The following MXD3 variants were observed in gnomAD, a reference collection of about 807,000 sequenced individuals.
The protein encoded by MXD3 is Max-associated protein 3.
MXD3 carries 20 observed loss-of-function variants against 27.5 expected under a neutral mutation model. That is an observed-to-expected ratio of 0.73 (90% confidence interval 0.51 to 1.06). MXD3 has a LOEUF of 1.06. Ranked by LOEUF, MXD3 falls within the 50% of genes least tolerant of loss-of-function variation. The pLI is 0.00. For missense variants in MXD3, 298 were observed against 291.3 expected, an observed-to-expected ratio of 1.02 and a Z score of -0.17; for synonymous variants, 150 against 130.7, an observed-to-expected ratio of 1.15 and a Z score of -1.01.
chr5:177,311,078 G>A (rs951049056), intron 2 of MXD3: 3 of 535,718 alleles, frequency 5.6e-6, no homozygotes, highest in African/African-American at 3.8e-5. Context: ...GAGAGAAGAG[G>A]AGGAAGCCAG....
chr5:177,306,283 T>A, downstream of MXD3: 5 of 1,562,104 alleles, frequency 3.2e-6, no homozygotes, highest in Non-Finnish European at 4.4e-6. Context: ...GGACTCCTTG[T>A]CTGTACTGGG....
intron 5 of MXD3, 27 bp from the exon 6 acceptor site, chr5:177,307,730 G>A (rs1464647099): frequency 1.2e-6 from 2 of 1,613,448 alleles, no homozygotes; most frequent in African/African-American, 2.7e-5. Context: ...CCGGTCAGAA[G>A]ACCTGGCTCG....
rs2127304124 is a variant in MXD3, at chr5:177,311,844, G to A, written c.-14C>T. On this transcript the variant is annotated 5_prime_UTR_variant, in exon 1 of 6. Transcript: ENST00000439742. ...CAAGGGTTCCATGTCGGCGACAGCT[G>A]GCGGCGGGCCGGCCTAGGGTGCCGG... 6.2e-7 allele frequency: 1 copy of A among 1,609,876 alleles called. No homozygotes were observed. The highest frequency in any genetic ancestry group is 1.3e-5 in the African/African-American group (1 of 74,922).
chr5:177,307,821 G>C lies in MXD3; in HGVS notation c.465C>G (p.Asp155Glu). Residue 155 changes from aspartate (D) to glutamate (E), a missense_variant, in exon 5 of 6, where the codon GAC (aspartate) becomes GAG (glutamate). Physicochemically the swap from Asp to Glu is conservative, Grantham distance 45. Transcript: ENST00000439742. The part of the protein sequence containing the change: ...ERERLRADSL[D>E]SSGLSSERSD... Reference sequence around the variant, plus strand: ...AGCGCTCAGAGGAGAGGCCTGAGGAGTCCAGACTGTCCGCCCGCAGCCGCT... The same window carrying C: ...AGCGCTCAGAGGAGAGGCCTGAGGACTCCAGACTGTCCGCCCGCAGCCGCT... 6.2e-7 allele frequency: 1 copy of C among 1,612,546 alleles called. No homozygotes were observed. Among genetic ancestry groups the C allele is most frequent in the Non-Finnish European group, 8.5e-7 (1 of 1,179,668 alleles).
At chr5:177,312,546 C>T, upstream of MXD3, 2 of 985,438 alleles carry the variant, frequency 2.0e-6, no homozygotes, top group Non-Finnish European at 2.4e-6. Context: ...GCGGCGGACC[C>T]GGCTCCTGCC....
At chr5:177,310,590 C>T (rs781678046) in intron 3 of MXD3, 50 bp from the exon 4 acceptor site, 2 of 1,612,634 alleles carry the variant, frequency 1.2e-6, no homozygotes, top group Non-Finnish European at 1.7e-6. Flanking sequence ...TTGCCGGCCA[C>T]AGGAATGGCA....
chr5:177,308,033 C>T, intron 4 of MXD3, 69 bp from the exon 5 acceptor site: 1 of 1,394,402 alleles, frequency 7.2e-7, no homozygotes, highest in Non-Finnish European at 9.5e-7. Flanking sequence ...CCCAGCACCA[C>T]TCAGTACCGG....
upstream of MXD3, chr5:177,312,480 G>C (rs1269662469): frequency 1.0e-6 from 1 of 985,332 alleles, no homozygotes; most frequent in East Asian, 1.1e-4. Flanking sequence ...AAACCCAAGC[G>C]ATGGGGCGGG....
chr5:177,311,418 T>C lies in MXD3; in HGVS notation c.137A>G (p.Lys46Arg). ...CGCGCCAGGAGCCTGGGGGGGTCGC[T>C]TCTTCCTCCTGTGGATGGGGCCTGG... ...RSPGPIHRRK[K>R]RPPQAPGAQD... is the part of the protein sequence containing the mutation. The change falls in exon 2 of 6, where the codon AAG (lysine) becomes AGG (arginine). Residue 46 changes from lysine to arginine, a missense_variant. By Grantham distance (26) the Lys-to-Arg change is conservative. Transcript: ENST00000439742. 7.1e-7 allele frequency: 1 copy of C among 1,413,180 alleles called. No homozygotes were observed. The highest frequency in any genetic ancestry group is 9.2e-7 in the Non-Finnish European group (1 of 1,087,928). 87.5% of individuals were successfully genotyped at this position (1,413,180 alleles called of 1,614,324 possible). A position where few individuals can be genotyped will look rare whatever the true frequency, so the allele number is the denominator to read the frequency against.
At position 177,307,599 on chromosome 5, in the gene MXD3, C is replaced by T. The variant is rs575950927; in HGVS notation, c.610G>A (p.Ala204Thr). 22 of 1,612,570 alleles carry T rather than the reference C, an allele frequency of 1.4e-5. No homozygotes were observed. Among genetic ancestry groups the T allele is most frequent in the Middle Eastern group, 1.7e-4 (1 of 6,058 alleles). Residue 204 changes from alanine to threonine, a missense_variant, in exon 6 of 6, where the codon GCC becomes ACC. Transcript: ENST00000439742. ...QEHSYSHGGG[A>T]WL ...CTGGGTGAGGAACATCATAGCCAGG[C>T]GCCGCCGCCGTGCGAGTAGCTGTGC...
At position 177,311,481 on chromosome 5, in the gene MXD3, G is replaced by A; in HGVS notation, c.74C>T (p.Ala25Val). Residue 25 changes from alanine to valine, a missense_variant, in exon 2 of 6, where the codon GCC (alanine) becomes GTC (valine). By Grantham distance (64) the Ala-to-Val change is moderately conservative. Transcript: ENST00000439742. Reference sequence around the variant, plus strand: ...GCACAGGGACGCATAACCATGCTCGGCCTCTGCCAGAGAGAGTCCCCGCCC... The same window carrying A: ...GCACAGGGACGCATAACCATGCTCGACCTCTGCCAGAGAGAGTCCCCGCCC... ...AEFLERRERE[A>V]EHGYASLCPH... 1 of 1,433,116 alleles carries A rather than the reference G, an allele frequency of 7.0e-7. No individual in the cohort carries two copies. The highest frequency in any genetic ancestry group is 9.1e-7 in the Non-Finnish European group (1 of 1,094,930). The allele number at this position is 1,433,116 out of a possible 1,614,324, so 88.8% of individuals were successfully genotyped here.
At chr5:177,310,830 G>A (rs1235760965) in intron 2 of MXD3, 133 bp from the exon 3 acceptor site, 8 of 1,007,536 alleles carry the variant, frequency 7.9e-6, no homozygotes, top group Non-Finnish European at 1.2e-5. Context: ...GCTCATGCTG[G>A]CCTCAGACAC....
At position 177,307,800 on chromosome 5, in the gene MXD3, C is replaced by T. The variant is rs768953784; in HGVS notation, c.486G>A (p.Glu162=). 2.5e-6 allele frequency: 4 copies of T among 1,613,158 alleles called. No individual in the cohort carries two copies. Among genetic ancestry groups the T allele is most frequent in the Non-Finnish European group, 3.4e-6 (4 of 1,179,818 alleles). The change falls in exon 5 of 6, where the codon GAG becomes GAA. Residue 162 remains glutamate (E), a synonymous_variant. Coordinates refer to ENST00000439742, the MANE Select transcript of MXD3 (RefSeq NM_031300.4). ...DSLDSSGLSS[E]RSDSDQEELE... Reference sequence around the variant, plus strand: ...ACTCACCTTGGTCTGAGTCTGAGCGCTCAGAGGAGAGGCCTGAGGAGTCCA... The same window carrying T: ...ACTCACCTTGGTCTGAGTCTGAGCGTTCAGAGGAGAGGCCTGAGGAGTCCA...
At position 177,307,710 on chromosome 5, in the gene MXD3, G is replaced by A. The variant is rs766303761; in HGVS notation, c.506-7C>T. On this transcript the variant is annotated splice_polypyrimidine_tract_variant and splice_region_variant and intron_variant, in intron 5 of 5. Coordinates refer to ENST00000439742, the MANE Select transcript of MXD3 (RefSeq NM_031300.4). ...ACATCCACCTCCAGCTCCTCTGCGC[G>A]GGGAGGGGTCCGGTCAGAAGACCTG... is the stretch of plus-strand genomic sequence containing the variant. 1.5e-5 allele frequency: 25 copies of A among 1,613,590 alleles called. No individual in the cohort carries two copies. In the Admixed American group the frequency reaches 2.8e-4, roughly 18 times the overall value.
chr5:177,312,549 C>T, upstream of MXD3: 2 of 985,470 alleles, frequency 2.0e-6, no homozygotes, highest in Non-Finnish European at 2.4e-6. Flanking sequence ...GCGGACCCGG[C>T]TCCTGCCCTC....
intron 4 of MXD3, among the ~76,000 whole-genome samples, chr5:177,310,042 T>A (rs1760995149): frequency 6.6e-6 from 1 of 152,068 alleles, no homozygotes; most frequent in Admixed American, 6.5e-5. Context: ...GGACCAACCC[T>A]CTACAGTCCC....
At chr5:177,306,664 C>T, downstream of MXD3, 3 of 1,497,938 alleles carry the variant, frequency 2.0e-6, no homozygotes, top group Non-Finnish European at 2.7e-6. Context: ...AACTTCCAGC[C>T]CTGTCTGCTG....
At chr5:177,307,026 G>C, downstream of MXD3, 1 of 1,442,702 alleles carries the variant, frequency 6.9e-7, no homozygotes, top group African/African-American at 1.4e-5. Flanking sequence ...GGCGAGTCAC[G>C]TCACTCAGCC....
At chr5:177,306,911 A>C (rs774972690), downstream of MXD3, 2 of 777,940 alleles carry the variant, frequency 2.6e-6, no homozygotes, top group Non-Finnish European at 4.0e-6. Context: ...CTCAGTATCT[A>C]GCACATAATA....
Sources: allele counts gnomAD v4.1 joint callset (sites outside exome capture counted in the v4.1 genomes callset), GRCh38; gene constraint gnomAD v4.1.1; transcripts MANE v1.5; gene names NCBI Gene and HGNC (gene_info 2026-07-23, HGNC 2026-07-21).